Variants in OSBPL3 observed in about 807,000 individuals in gnomAD.
OSBPL3 encodes oxysterol-binding protein-related protein 3.
Under a neutral mutation model 120.1 loss-of-function variants are expected in OSBPL3, and 65 were observed. The observed-to-expected ratio is 0.54, with a 90% CI of 0.44 to 0.67. OSBPL3 has a LOEUF of 0.67. Ranked by LOEUF, OSBPL3 falls within the 30% of genes least tolerant of loss-of-function variation. The probability of loss-of-function intolerance (pLI) is 0.00; values close to 1 mark genes in which losing one functional copy is unlikely to be tolerated. For missense variants in OSBPL3, 1,004 were observed against 1,082.1 expected (o/e 0.93, Z 1.01); for synonymous variants, 416 against 402.6 (o/e 1.03, Z -0.40).
At chr7:24,832,008 G>C (rs1796425866) in intron 15 of OSBPL3, among the ~76,000 whole-genome samples, 1 of 151,904 alleles carries the variant, frequency 6.6e-6, no homozygotes, top group African/African-American at 2.4e-5. Flanking sequence ...TTCAAGACCA[G>C]CCTGGACAAC....
rs962163463 is a variant in OSBPL3 at position 24,806,465 on chromosome 7, G to A, written c.2444+311C>T. ...TTTAAATTTGAGGGCTCGGGGAGCT[G>A]GAGGTTTTAACTTACTTACTTTACA... On this transcript the variant is annotated intron_variant, in intron 21 of 22. Transcript: ENST00000313367. The surrounding 1 kb of genome is among the most constrained non-coding windows in gnomAD (Gnocchi z 5.2). Among the ~76,000 whole-genome samples the A allele has an allele frequency of 2.6e-5, 4 of 152,148 alleles. No homozygotes were observed. The highest frequency in any genetic ancestry group is 5.9e-5 in the Non-Finnish European group (4 of 68,030).
rs1810039290 is a variant in OSBPL3, at chr7:24,918,821, G to C, written c.-149-26200C>G. ...TAAATGGAAGAAGAATGATTTTAAG[G>C]AAGAATTTAGAATCGTATTACAAGG... On this transcript the variant is annotated intron_variant, in intron 1 of 22. Transcript: ENST00000313367. The surrounding 1 kb of genome is among the most constrained non-coding windows in gnomAD (Gnocchi z 4.3). Among the ~76,000 whole-genome samples the C allele has an allele frequency of 6.6e-6, 1 of 152,154 alleles. No homozygotes were observed. The highest frequency in any genetic ancestry group is 2.1e-4 in the South Asian group (1 of 4,830).
intron 1 of OSBPL3, among the ~76,000 whole-genome samples, chr7:24,961,135 T>A (rs1206721728): frequency 6.6e-6 from 1 of 152,158 alleles, no homozygotes; most frequent in East Asian, 1.9e-4. Context: ...AAGCTAAGAA[T>A]GGCATGAAGG....
Position 24,918,205 on chromosome 7 carries a change from A to T in OSBPL3, c.-149-25584T>A, listed in dbSNP as rs1809952971. On this transcript the variant is annotated intron_variant, in intron 1 of 22. Coordinates refer to ENST00000313367, the MANE Select transcript of OSBPL3 (RefSeq NM_015550.4). The surrounding 1 kb of genome is among the most constrained non-coding windows in gnomAD (Gnocchi z 4.3). ...AGGTCAAGAGAGTCATGAGAAACTGACCATCACATAAACACCATAGCAATG... is the reference window on the plus strand; with the variant it reads ...AGGTCAAGAGAGTCATGAGAAACTGTCCATCACATAAACACCATAGCAATG... 1 of 245,338 alleles carries T rather than the reference A, an allele frequency of 4.1e-6. No individual in the cohort carries two copies. The highest frequency in any genetic ancestry group is 2.3e-5 in the African/African-American group (1 of 43,096). 15.2% of individuals were successfully genotyped at this position (245,338 alleles called of 1,614,324 possible).
At chr7:24,963,832 C>T (rs529763587) in intron 1 of OSBPL3, among the ~76,000 whole-genome samples, 36 of 152,114 alleles carry the variant, frequency 2.4e-4, no homozygotes, top group African/African-American at 8.4e-4. Flanking sequence ...GTGATGAAAT[C>T]AATTTAGTGG....
intron 16 of OSBPL3, among the ~76,000 whole-genome samples, chr7:24,825,404 C>A (rs1443828724): frequency 1.3e-5 from 2 of 152,154 alleles, no homozygotes; most frequent in Non-Finnish European, 2.9e-5. Flanking sequence ...GGGGAGAATG[C>A]AGATGCCAAT....
At chr7:24,980,656 G>T (rs1563037179), upstream of OSBPL3, among the ~76,000 whole-genome samples, 1 of 152,016 alleles carries the variant, frequency 6.6e-6, no homozygotes, top group Non-Finnish European at 1.5e-5. Flanking sequence ...GACTGTGGCA[G>T]AGGAGTCGAG....
rs1481551906 is a variant in OSBPL3 at position 24,937,012 on chromosome 7, C to T, written c.-150+42874G>A. On this transcript the variant is annotated intron_variant, in intron 1 of 22. Coordinates refer to ENST00000313367, the MANE Select transcript of OSBPL3 (RefSeq NM_015550.4). This position sits in a 1 kb window ranked among gnomAD's most constrained non-coding sequence, Gnocchi z 4.0. ...TTCTTGTGCTGCTAATAAAGACATACCCAAGACTGGGTAATTTATAAAGGA... is the reference window on the plus strand; with the variant it reads ...TTCTTGTGCTGCTAATAAAGACATATCCAAGACTGGGTAATTTATAAAGGA... 1.3e-5 allele frequency among the ~76,000 whole-genome samples: 2 copies of T among 152,106 alleles called. No homozygotes were observed. The highest frequency in any genetic ancestry group is 2.9e-5 in the Non-Finnish European group (2 of 68,016).
intron 1 of OSBPL3, among the ~76,000 whole-genome samples, chr7:24,976,399 A>G (rs1355259768): frequency 1.3e-5 from 2 of 152,212 alleles, no homozygotes; most frequent in Non-Finnish European, 2.9e-5. Context: ...CCACCTGTAG[A>G]CAATGTTAGG....
At position 24,834,671 on chromosome 7, in the gene OSBPL3, G is replaced by C. The variant is rs1796785960; in HGVS notation, c.1561C>G (p.Pro521Ala). ...CACAGGCTGATGTTACTGCTGCTCG[G>C]GCAGGGCGCCGGCAGGCACGTTCTT... is the stretch of plus-strand genomic sequence containing the variant. ...RRRTCLPAPC[P>A]SSSNISLWNI... Residue 521 changes from proline (P) to alanine (A), a missense_variant, in exon 15 of 23, where the codon CCG becomes GCG. Pro to Ala is a conservative substitution (Grantham distance 27, BLOSUM62 -1). Around this residue, in one of 4 missense-constraint regions of OSBPL3, gnomAD observed 473 missense variants for 568.0 expected, o/e 0.83. Transcript: ENST00000313367. The surrounding 1 kb of genome is among the most constrained non-coding windows in gnomAD (Gnocchi z 5.2). 1 of 1,614,132 alleles carries C rather than the reference G, an allele frequency of 6.2e-7. No individual in the cohort carries two copies.
chr7:24,818,743 G>A lies in OSBPL3; in HGVS notation c.1948+1432C>T, dbSNP rs902044154. 1.1e-4 allele frequency among the ~76,000 whole-genome samples: 16 copies of A among 152,086 alleles called. No individual in the cohort carries two copies. The highest frequency in any genetic ancestry group is 2.1e-4 in the Non-Finnish European group (14 of 68,026). On this transcript the variant is annotated intron_variant, in intron 17 of 22. Transcript: ENST00000313367. This position sits in a 1 kb window ranked among gnomAD's most constrained non-coding sequence, Gnocchi z 4.0. ...AGCTACATCTACAATCACAACAAAC[G>A]GAAATGGTTTACACAACCTACATAA...
At position 24,804,887 on chromosome 7, in the gene OSBPL3, C is replaced by A. The variant is rs530510916; in HGVS notation, c.2445-450G>T. On this transcript the variant is annotated intron_variant, in intron 21 of 22. Coordinates refer to ENST00000313367, the MANE Select transcript of OSBPL3 (RefSeq NM_015550.4). This position sits in a 1 kb window ranked among gnomAD's most constrained non-coding sequence, Gnocchi z 5.4. ...TGGTTTTGGTTTATTTTTTATTTAA[C>A]AATATATCTTACAGATCTTTCCATG... Among the ~76,000 whole-genome samples, 16 of 152,224 alleles carry A rather than the reference C, an allele frequency of 1.1e-4. No individual in the cohort carries two copies. In the South Asian group the frequency reaches 3.3e-3, roughly 32 times the overall value.
intron 16 of OSBPL3, among the ~76,000 whole-genome samples, chr7:24,825,541 C>A (rs765270396): frequency 9.9e-5 from 15 of 152,194 alleles, no homozygotes; most frequent in Non-Finnish European, 1.8e-4. Context: ...AACCACAAAG[C>A]AATGGTTTAG....
At position 24,804,568 on chromosome 7, in the gene OSBPL3, C is replaced by A; in HGVS notation, c.2445-131G>T. 1 of 713,350 alleles carries A rather than the reference C, an allele frequency of 1.4e-6. No individual in the cohort carries two copies. The highest frequency in any genetic ancestry group is 2.0e-5 in the South Asian group (1 of 50,518). The allele number at this position is 713,350 out of a possible 1,614,324, so 44.2% of individuals were successfully genotyped here. ...TCCTATACGTAAGACCCCGCCCCAA[C>A]CGTTTAATCCGTATCTTGAAGTAGT... On this transcript the variant is annotated intron_variant, in intron 21 of 22. Coordinates refer to ENST00000313367, the MANE Select transcript of OSBPL3 (RefSeq NM_015550.4). The surrounding 1 kb of genome is among the most constrained non-coding windows in gnomAD (Gnocchi z 5.4).
At position 24,894,765 on chromosome 7, in the gene OSBPL3, A is replaced by G. The variant is rs1805885657; in HGVS notation, c.-149-2144T>C. The stretch of plus-strand genomic sequence containing the variant: ...GTAAAGGGAGAGAAACGTGGGCAAT[A>G]AATGAAAGTTACAGGAATTCTAAAA... On this transcript the variant is annotated intron_variant, in intron 1 of 22. Transcript: ENST00000313367. This position sits in a 1 kb window ranked among gnomAD's most constrained non-coding sequence, Gnocchi z 4.1. 6.6e-6 allele frequency among the ~76,000 whole-genome samples: 1 copy of G among 152,206 alleles called. No individual in the cohort carries two copies. Among genetic ancestry groups the G allele is most frequent in the South Asian group, 2.1e-4 (1 of 4,818 alleles).
intron 22 of OSBPL3, among the ~76,000 whole-genome samples, chr7:24,801,243 CAAAAAAAAA>C: frequency 1.4e-5 from 1 of 73,984 alleles, no homozygotes; most frequent in East Asian, 3.5e-4. Context: ...GACTCCTTCT[CAAAAAAAAA>C]AAAAAAAAAA....
At chr7:24,903,462 C>A (rs1453314284) in intron 1 of OSBPL3, among the ~76,000 whole-genome samples, 1 of 152,182 alleles carries the variant, frequency 6.6e-6, no homozygotes, top group Non-Finnish European at 1.5e-5. Context: ...CACTTGCAGG[C>A]AGATTGGGAG....
intron 1 of OSBPL3, among the ~76,000 whole-genome samples, chr7:24,950,618 C>A (rs559189716): frequency 3.9e-5 from 6 of 152,196 alleles, no homozygotes; most frequent in South Asian, 2.1e-4. Context: ...GCTACTTGGG[C>A]GGCTGAGGCA....
chr7:24,915,573 C>A (rs1809433445), intron 1 of OSBPL3, among the ~76,000 whole-genome samples: 1 of 151,134 alleles, frequency 6.6e-6, no homozygotes, highest in African/African-American at 2.4e-5. Flanking sequence ...GCCCACCAAA[C>A]ATTAATTTTT....
Sources: allele counts gnomAD v4.1 joint callset (sites outside exome capture counted in the v4.1 genomes callset), GRCh38; gene constraint gnomAD v4.1.1; regional missense constraint gnomAD v4.1.1; non-coding constraint Gnocchi (gnomAD v3.1); transcripts MANE v1.5; gene names NCBI Gene and HGNC (gene_info 2026-07-23, HGNC 2026-07-21).